Variants in CNN1 observed in about 807,000 individuals in gnomAD.
CNN1 encodes calponin-1.
A neutral mutation model predicts 35.3 loss-of-function variants in CNN1; 21 were observed. The observed-to-expected ratio is 0.60, with a 90% CI of 0.42 to 0.86. The LOEUF is 0.86. Ranked by LOEUF, CNN1 falls within the 40% of genes least tolerant of loss-of-function variation. CNN1 has a pLI of 0.00. For missense variants in CNN1, 314 were observed against 400.8 expected, an observed-to-expected ratio of 0.78 and a Z score of 1.85; for synonymous variants, 164 against 161.8, an observed-to-expected ratio of 1.01 and a Z score of -0.10.
chr19:11,539,306 G>A, intron 1 of CNN1: 3 of 1,136,214 alleles, frequency 2.6e-6, no homozygotes, highest in Non-Finnish European at 3.2e-6. Context: ...GGGAAGACTT[G>A]TTGATTTTTC....
chr19:11,548,685 A>G (rs924514941), intron 5 of CNN1, among the ~76,000 whole-genome samples: 15 of 151,764 alleles, frequency 9.9e-5, no homozygotes, highest in African/African-American at 3.6e-4. Context: ...CAAAAATACA[A>G]AAACTAGCCG....
chr19:11,546,960 G>T lies in CNN1; in HGVS notation c.381G>T (p.Leu127Phe), dbSNP rs1206361753. Residue 127 changes from leucine to phenylalanine, a missense_variant, in exon 4 of 7, where the codon TTG (leucine) becomes TTT (phenylalanine). Transcript: ENST00000252456. The stretch of plus-strand genomic sequence containing the variant: ...AGGTGCAGTCCACCCTCCTGGCTTT[G>T]GCCAGCATGGTGAGTGTGGTTGCAG... ...HTQVQSTLLALASMAKTKGNK... is the reference protein window; with the variant it reads ...HTQVQSTLLAFASMAKTKGNK... 1.9e-6 allele frequency: 3 copies of T among 1,614,092 alleles called. No individual in the cohort carries two copies. In the African/African-American group the frequency reaches 4.0e-5, roughly 22 times the overall value.
In CNN1 at chr19:11,549,898, C is replaced by CA; in HGVS notation, c.*104dup. ...CCCCCTCTCCCTGCATGGCATCCTCCAGCCCCTGTAGAACTCAACCTCTAC... is the reference window on the plus strand; with the variant it reads ...CCCCCTCTCCCTGCATGGCATCCTCCAAGCCCCTGTAGAACTCAACCTCTAC... On this transcript the variant is annotated 3_prime_UTR_variant, in exon 7 of 7. Transcript: ENST00000252456. This position sits in a 1 kb window ranked among gnomAD's most constrained non-coding sequence, Gnocchi z 5.2. 1 of 1,477,032 alleles carries CA rather than the reference C, an allele frequency of 6.8e-7. No individual in the cohort carries two copies. Among genetic ancestry groups the CA allele is most frequent in the Non-Finnish European group, 9.1e-7 (1 of 1,093,458 alleles). The allele number at this position is 1,477,032 out of a possible 1,614,324, so 91.5% of individuals were successfully genotyped here. A position where few individuals can be genotyped will look rare whatever the true frequency, so the allele number is the denominator to read the frequency against.
chr19:11,543,443 G>A (rs181812103), intron 2 of CNN1, among the ~76,000 whole-genome samples: 16 of 146,278 alleles, frequency 1.1e-4, no homozygotes, highest in East Asian at 4.1e-4. Context: ...CGTTGTGCAT[G>A]TGTACCCTAG....
intron 1 of CNN1, chr19:11,539,503 A>G: frequency 8.8e-7 from 1 of 1,132,564 alleles, no homozygotes; most frequent in Non-Finnish European, 1.1e-6. Flanking sequence ...CACCACCTTC[A>G]TGCTATGGTT....
chr19:11,550,029 A>G lies in CNN1; in HGVS notation c.*234A>G, dbSNP rs1461746557. 3.8e-6 allele frequency: 2 copies of G among 526,644 alleles called. No individual in the cohort carries two copies. Among genetic ancestry groups the G allele is most frequent in the East Asian group, 3.3e-5 (1 of 30,458 alleles). The allele number at this position is 526,644 out of a possible 1,614,324, so 32.6% of individuals were successfully genotyped here. On this transcript the variant is annotated 3_prime_UTR_variant, in exon 7 of 7. Coordinates refer to ENST00000252456, the MANE Select transcript of CNN1 (RefSeq NM_001299.6). ...TCCAACATAGAGCCGGGTGTCCCCA[A>G]CAGCGCCCAAAGGACGCACTGAGCA...
rs754101104 is a variant in CNN1 at position 11,549,602 on chromosome 19, G to A, written c.701G>A (p.Gly234Asp). ...TKRQIFEPGL[G>D]MEHCDTLNVS... ...CGGCAGATCTTCGAGCCGGGGCTGG[G>A]CATGGAGCACTGCGACACGCTCAAT... The change falls in exon 7 of 7, where the codon GGC becomes GAC. Residue 234 changes from glycine to aspartate, a missense_variant. Transcript: ENST00000252456. The surrounding 1 kb of genome is among the most constrained non-coding windows in gnomAD (Gnocchi z 5.2). 1.2e-6 allele frequency: 2 copies of A among 1,608,332 alleles called. No homozygotes were observed. The highest frequency in any genetic ancestry group is 8.5e-7 in the Non-Finnish European group (1 of 1,175,760).
chr19:11,547,737 A>C, intron 4 of CNN1, 60 bp from the exon 5 acceptor site: 3 of 1,397,340 alleles, frequency 2.1e-6, no homozygotes, highest in East Asian at 2.3e-5. Flanking sequence ...AACAGTGTCC[A>C]AGGGGACTGT....
chr19:11,539,815 GGCTGGT>G, intron 1 of CNN1: 1 of 1,180,294 alleles, frequency 8.5e-7, no homozygotes. Flanking sequence ...TGGAGGAGGG[GGCTGGT>G]GGGGGGCGGG....
In CNN1 at chr19:11,543,782, C is replaced by CAA. The variant is rs1158001002; in HGVS notation, c.185+2605_185+2606dup. Among the ~76,000 whole-genome samples the CAA allele has an allele frequency of 2.4e-3, 119 of 50,306 alleles. 1 individual carries two copies. The highest frequency in any genetic ancestry group is 5.2e-3 in the African/African-American group (68 of 13,100). 33.0% of individuals were successfully genotyped at this position (50,306 alleles called of 152,430 possible). On this transcript the variant is annotated intron_variant, in intron 2 of 6. Transcript: ENST00000252456. ...TGGGTGACAGAGCGAGACTCCGTCT[C>CAA]AAAAAAAAAAAAAAAAAAAAAGACC...
rs765851144 is a variant in CNN1, at chr19:11,549,495, C to T, written c.648+26C>T. 30 of 1,611,572 alleles carry T rather than the reference C, an allele frequency of 1.9e-5. 1 individual carries two copies. Among genetic ancestry groups the T allele is most frequent in the Admixed American group, 6.7e-5 (4 of 59,734 alleles). ...GTGAGTGGGGGCCCCCGGGACACGC[C>T]GTCAAGGCCCAGGACCCTGGCCACC... On this transcript the variant is annotated intron_variant, in intron 6 of 6. Transcript: ENST00000252456. The surrounding 1 kb of genome is among the most constrained non-coding windows in gnomAD (Gnocchi z 5.2).
rs1051085234 is a variant in CNN1, at chr19:11,550,076, C to G, written c.*281C>G. ...AGCAACGCTATTCCAGCTGTCCCCCCACTCCCTCACAAGTGGGTACCCCCA... is the reference window on the plus strand; with the variant it reads ...AGCAACGCTATTCCAGCTGTCCCCCGACTCCCTCACAAGTGGGTACCCCCA... On this transcript the variant is annotated 3_prime_UTR_variant, in exon 7 of 7. Coordinates refer to ENST00000252456, the MANE Select transcript of CNN1 (RefSeq NM_001299.6). The G allele has an allele frequency of 1.2e-5, 4 of 345,676 alleles. No individual in the cohort carries two copies. The highest frequency in any genetic ancestry group is 4.7e-5 in the Admixed American group (1 of 21,354). The allele number at this position is 345,676 out of a possible 1,614,324, so 21.4% of individuals were successfully genotyped here.
At chr19:11,540,137 G>A (rs1972427599) in intron 1 of CNN1, 4 of 838,772 alleles carry the variant, frequency 4.8e-6, no homozygotes, top group Non-Finnish European at 5.8e-6. Context: ...GGAGAAATGG[G>A]AGTGGAGTGG....
chr19:11,543,020 G>T (rs1314339983), intron 2 of CNN1, among the ~76,000 whole-genome samples: 1 of 152,168 alleles, frequency 6.6e-6, no homozygotes, highest in Non-Finnish European at 1.5e-5. Context: ...CTGGGAAGAA[G>T]GGGTGTGGGG....
intron 1 of CNN1, chr19:11,540,507 G>C (rs1972437287): frequency 2.0e-5 from 3 of 152,668 alleles, no homozygotes; most frequent in Admixed American, 2.0e-4. Flanking sequence ...GAGGGAGAGA[G>C]ACATACAGAC....
At chr19:11,539,436 C>G (rs540406938) in intron 1 of CNN1, 274 of 1,070,364 alleles carry the variant, frequency 2.6e-4, no homozygotes, top group Middle Eastern at 9.3e-4. Context: ...AGGCAGGAAG[C>G]GGGCATCAGA....
At chr19:11,547,669 C>T (rs1411109485) in intron 4 of CNN1, 128 bp from the exon 5 acceptor site, 18 of 641,154 alleles carry the variant, frequency 2.8e-5, no homozygotes, top group South Asian at 2.2e-4. Context: ...GCTGAGATCA[C>T]GCCACTGCAC....
rs1972448377 is a variant in CNN1 at position 11,540,982 on chromosome 19, C to A, written c.64-94C>A. On this transcript the variant is annotated intron_variant, in intron 1 of 6. Coordinates refer to ENST00000252456, the MANE Select transcript of CNN1 (RefSeq NM_001299.6). ...GTTGGGAAGGACGAGGGAGATCAGGCTCTAGGAAGTTCAGACAGGACCCAG... is the reference window on the plus strand; with the variant it reads ...GTTGGGAAGGACGAGGGAGATCAGGATCTAGGAAGTTCAGACAGGACCCAG... 9.6e-6 allele frequency: 13 copies of A among 1,353,958 alleles called. No individual in the cohort carries two copies. In the East Asian group the frequency reaches 3.4e-4, roughly 35 times the overall value. 83.9% of individuals were successfully genotyped at this position (1,353,958 alleles called of 1,614,324 possible). A position where few individuals can be genotyped will look rare whatever the true frequency, so the allele number is the denominator to read the frequency against.
chr19:11,544,614 G>A (rs1972539667), intron 2 of CNN1, among the ~76,000 whole-genome samples: 1 of 151,012 alleles, frequency 6.6e-6, no homozygotes, highest in South Asian at 2.1e-4. Context: ...AGCCTCCTCA[G>A]TAGCTGGAAC....
Sources: gnomAD v4.1 joint callset for allele counts (sites outside exome capture counted in the v4.1 genomes callset) on GRCh38, gnomAD v4.1.1 for gene constraint, Gnocchi (gnomAD v3.1) non-coding constraint, MANE v1.5 for transcripts, NCBI Gene and HGNC (gene_info 2026-07-23, HGNC 2026-07-21) for gene names.